Variants in STPG2 observed in about 807,000 individuals in gnomAD.
STPG2 encodes sperm-tail PG-rich repeat-containing protein 2.
Under a neutral mutation model 54.2 loss-of-function variants are expected in STPG2, and 56 were observed. That is an observed-to-expected ratio of 1.03 (90% CI 0.83 to 1.29). The LOEUF is 1.29. STPG2 is among the 50% of genes most tolerant of loss of function. The pLI, the probability that STPG2 is intolerant of heterozygous loss-of-function variation, is 0.00. For missense variants in STPG2, 596 were observed against 544.9 expected (o/e 1.09, Z -0.93); for synonymous variants, 200 against 181.8 (o/e 1.10, Z -0.81).
At chr4:97,991,954 T>TTGTG (rs1735033681) in intron 5 of STPG2, among the ~76,000 whole-genome samples, 1 of 151,522 alleles carries the variant, frequency 6.6e-6, no homozygotes, top group Admixed American at 6.6e-5. Context: ...ATGAAATTGT[T>TTGTG]TTCTTTCTTG....
At chr4:97,751,236 G>C (rs965329096) in intron 9 of STPG2, among the ~76,000 whole-genome samples, 2 of 151,734 alleles carry the variant, frequency 1.3e-5, no homozygotes, top group African/African-American at 4.8e-5. Context: ...AGTTCCTCCT[G>C]GATTTTGCCC....
At chr4:97,514,637 CA>C (rs1731038378) in intron 4 of STPG2, among the ~76,000 whole-genome samples, 1 of 152,028 alleles carries the variant, frequency 6.6e-6, no homozygotes, top group Admixed American at 6.6e-5. Context: ...TTATTAGCTT[CA>C]AGGGTATAGG....
At chr4:97,621,044 G>A (rs1394152065) in intron 10 of STPG2, among the ~76,000 whole-genome samples, 1 of 152,102 alleles carries the variant, frequency 6.6e-6, no homozygotes, top group African/African-American at 2.4e-5. Context: ...CGAGGGTGGG[G>A]AGAGTAATAA....
chr4:97,486,347 A>C (rs1033658873), intron 4 of STPG2, among the ~76,000 whole-genome samples: 3 of 152,008 alleles, frequency 2.0e-5, no homozygotes, highest in African/African-American at 7.2e-5. Context: ...TCCCATCAAA[A>C]AGTGGGCTAA....
chr4:97,471,010 T>C (rs553925070), intron 4 of STPG2, among the ~76,000 whole-genome samples: 1 of 152,294 alleles, frequency 6.6e-6, no homozygotes, highest in East Asian at 1.9e-4. Flanking sequence ...ACAGTGTCGA[T>C]GTCAATGTTT....
intron 9 of STPG2, among the ~76,000 whole-genome samples, chr4:97,785,338 C>G (rs1270156034): frequency 2.6e-5 from 4 of 151,954 alleles, no homozygotes; most frequent in Non-Finnish European, 5.9e-5. Flanking sequence ...TAAGTCAAAA[C>G]ACGAGAAAGT....
chr4:98,084,613 G>A (rs1738450765), intron 5 of STPG2, among the ~76,000 whole-genome samples: 1 of 152,136 alleles, frequency 6.6e-6, no homozygotes, highest in African/African-American at 2.4e-5. Flanking sequence ...ATATTGCTAT[G>A]AGTATTTGAT....
chr4:97,740,173 C>A (rs1238098156), intron 9 of STPG2, among the ~76,000 whole-genome samples: 4 of 152,130 alleles, frequency 2.6e-5, no homozygotes, highest in Non-Finnish European at 2.9e-5. Flanking sequence ...ACGCTTCATG[C>A]TAAAAACTCT....
At chr4:97,446,138 AACTG>A (rs1380092193) in intron 4 of STPG2, among the ~76,000 whole-genome samples, 1 of 152,214 alleles carries the variant, frequency 6.6e-6, no homozygotes, top group African/African-American at 2.4e-5. Context: ...ATCCTACAAC[AACTG>A]ACTAAAGCAT....
At chr4:97,636,554 C>T (rs2148939678) in intron 10 of STPG2, among the ~76,000 whole-genome samples, 1 of 149,184 alleles carries the variant, frequency 6.7e-6, no homozygotes, top group Non-Finnish European at 1.5e-5. Flanking sequence ...AATCCAGGAG[C>T]TGGTTTTTTG....
At chr4:98,115,946 T>G (rs1487200128) in intron 3 of STPG2, among the ~76,000 whole-genome samples, 1 of 150,392 alleles carries the variant, frequency 6.6e-6, no homozygotes, top group Non-Finnish European at 1.5e-5. Flanking sequence ...ATGAACTATG[T>G]CTTTAACTGA....
chr4:97,667,672 A>T (rs545005528), intron 10 of STPG2, among the ~76,000 whole-genome samples: 28 of 152,314 alleles, frequency 1.8e-4, no homozygotes, highest in African/African-American at 6.3e-4. Flanking sequence ...TTTGCATCAT[A>T]TAACTACATG....
chr4:97,694,969 T>A (rs941974415), intron 10 of STPG2, among the ~76,000 whole-genome samples: 8 of 146,678 alleles, frequency 5.5e-5, no homozygotes, highest in African/African-American at 2.0e-4. Context: ...AAAGAGGGAA[T>A]CCTTCCTAAA....
At chr4:98,141,558 C>G (rs1325215154) in intron 1 of STPG2, among the ~76,000 whole-genome samples, 1 of 152,142 alleles carries the variant, frequency 6.6e-6, no homozygotes, top group East Asian at 1.9e-4. Flanking sequence ...TTAAATTTAC[C>G]TATAGCCTGG....
chr4:97,918,498 G>A (rs1318653512), intron 8 of STPG2, among the ~76,000 whole-genome samples: 1 of 151,752 alleles, frequency 6.6e-6, no homozygotes, highest in African/African-American at 2.4e-5. Context: ...TGATCCATAG[G>A]TCCATGCTGT....
At chr4:97,538,360 C>G (rs550022002) in intron 4 of STPG2, among the ~76,000 whole-genome samples, 4 of 152,170 alleles carry the variant, frequency 2.6e-5, no homozygotes, top group Non-Finnish European at 5.9e-5. Context: ...CCTAATGGAG[C>G]TGAAAACCCA....
intron 10 of STPG2, among the ~76,000 whole-genome samples, chr4:97,658,841 G>T (rs532747064): frequency 6.6e-6 from 1 of 152,112 alleles, no homozygotes; most frequent in South Asian, 2.1e-4. Context: ...GCCAGTGAGA[G>T]TATTAAAGAA....
chr4:97,478,724 G>A (rs1003892304), intron 4 of STPG2, among the ~76,000 whole-genome samples: 3 of 151,708 alleles, frequency 2.0e-5, no homozygotes, highest in East Asian at 1.9e-4. Context: ...ATGCTATCAC[G>A]ATTGCCTAAT....
intron 10 of STPG2, among the ~76,000 whole-genome samples, chr4:97,680,724 G>C (rs987414571): frequency 2.6e-5 from 4 of 151,946 alleles, no homozygotes; most frequent in African/African-American, 9.7e-5. Context: ...CTCTGGATAT[G>C]AGTAGAGTAA....
Sources: gnomAD v4.1 joint callset for allele counts (sites outside exome capture counted in the v4.1 genomes callset) on GRCh38, gnomAD v4.1.1 for gene constraint, MANE v1.5 for transcripts, NCBI Gene and HGNC (gene_info 2026-07-23, HGNC 2026-07-21) for gene names.